Variants in RHOBTB1 observed in about 807,000 individuals in gnomAD.
The protein encoded by RHOBTB1 is Rho related BTB domain containing 1, also known as rho-related BTB domain-containing protein 1.
RHOBTB1 carries 40 observed loss-of-function variants against 71.6 expected under a neutral mutation model. That is an observed-to-expected ratio of 0.56 (90% confidence interval 0.43 to 0.73). RHOBTB1 has a LOEUF of 0.73. Among genes scored for constraint, RHOBTB1 ranks in the 30% least tolerant of loss-of-function variants. RHOBTB1 has a pLI of 0.00. For synonymous variants in RHOBTB1, 319 were observed against 334.9 expected, an observed-to-expected ratio of 0.95 and a Z score of 0.52; for missense variants, 797 against 894.0, an observed-to-expected ratio of 0.89 and a Z score of 1.38.
intron 1 of RHOBTB1, among the ~76,000 whole-genome samples, chr10:60,992,261 G>T (rs746180697): frequency 2.6e-5 from 4 of 152,054 alleles, no homozygotes; most frequent in Non-Finnish European, 4.4e-5. Context: ...GAATAATAGG[G>T]GTTTTTGAAT....
In RHOBTB1 at chr10:60,870,306, G is replaced by C. The variant is rs1390755409; in HGVS notation, c.*1176C>G. 1.3e-5 allele frequency: 2 copies of C among 152,672 alleles called. No individual in the cohort carries two copies. The highest frequency in any genetic ancestry group is 4.8e-5 in the African/African-American group (2 of 41,448). 9.5% of individuals were successfully genotyped at this position (152,672 alleles called of 1,614,324 possible). A position where few individuals can be genotyped will look rare whatever the true frequency, so the allele number is the denominator to read the frequency against. ...ACCATTTCCTAGACTCTTGGAATTA[G>C]ATTCCTTTCCGTGTAGGAGAACGCA... On this transcript the variant is annotated 3_prime_UTR_variant, in exon 11 of 11. Coordinates refer to ENST00000337910, the MANE Select transcript of RHOBTB1 (RefSeq NM_014836.5).
chr10:60,946,378 G>A (rs557532871), upstream of RHOBTB1, among the ~76,000 whole-genome samples: 15 of 152,262 alleles, frequency 9.9e-5, no homozygotes, highest in African/African-American at 3.6e-4. Flanking sequence ...AAATAGGGTA[G>A]AAACTCAAAA....
At chr10:60,896,243 A>T (rs1167078181) in intron 4 of RHOBTB1, among the ~76,000 whole-genome samples, 1 of 152,244 alleles carries the variant, frequency 6.6e-6, no homozygotes, top group East Asian at 1.9e-4. Flanking sequence ...TCTGAAAGAT[A>T]AAAAGAAACA....
At chr10:60,922,109 T>G (rs1249358256) in intron 2 of RHOBTB1, among the ~76,000 whole-genome samples, 2 of 152,226 alleles carry the variant, frequency 1.3e-5, no homozygotes, top group Non-Finnish European at 2.9e-5. Flanking sequence ...TATAAGGGTC[T>G]CATAAAGTTC....
intron 2 of RHOBTB1, among the ~76,000 whole-genome samples, chr10:60,962,778 G>A (rs1438130899): frequency 1.3e-5 from 2 of 152,028 alleles, no homozygotes; most frequent in African/African-American, 4.8e-5. Flanking sequence ...CTGATTTCTG[G>A]TCCCATCGTA....
chr10:60,966,600 C>T (rs1380711068), intron 2 of RHOBTB1, among the ~76,000 whole-genome samples: 1 of 151,544 alleles, frequency 6.6e-6, no homozygotes, highest in African/African-American at 2.4e-5. Flanking sequence ...CTCTGCTTTA[C>T]ATAATCTTTA....
intron 4 of RHOBTB1, among the ~76,000 whole-genome samples, chr10:60,900,135 A>G (rs1254746194): frequency 6.6e-6 from 1 of 152,098 alleles, no homozygotes; most frequent in Admixed American, 6.6e-5. Context: ...GTAGTGATAT[A>G]ATTTATGTTT....
intron 4 of RHOBTB1, among the ~76,000 whole-genome samples, chr10:60,897,390 A>C (rs1475092836): frequency 2.0e-5 from 3 of 152,242 alleles, no homozygotes; most frequent in Non-Finnish European, 2.9e-5. Flanking sequence ...CCTGTCACAA[A>C]AGTACTGTCT....
intron 2 of RHOBTB1, among the ~76,000 whole-genome samples, chr10:60,921,286 A>G (rs1434824525): frequency 6.6e-6 from 1 of 152,150 alleles, no homozygotes; most frequent in African/African-American, 2.4e-5. Context: ...TATCACTGAG[A>G]CTGCTGTATG....
chr10:60,995,051 G>A (rs1201241633), intron 1 of RHOBTB1, among the ~76,000 whole-genome samples: 1 of 151,990 alleles, frequency 6.6e-6, no homozygotes, highest in Non-Finnish European at 1.5e-5. Flanking sequence ...AACCCTGGCT[G>A]CGTACATCAA....
downstream of RHOBTB1, among the ~76,000 whole-genome samples, chr10:60,869,171 A>G (rs2080666861): frequency 1.3e-5 from 2 of 152,202 alleles, no homozygotes; most frequent in Non-Finnish European, 2.9e-5. Flanking sequence ...TTCTCCCCCA[A>G]CCCGCTCTCT....
At chr10:60,891,551 T>C (rs2081920749) in intron 5 of RHOBTB1, among the ~76,000 whole-genome samples, 1 of 151,854 alleles carries the variant, frequency 6.6e-6, no homozygotes, top group Non-Finnish European at 1.5e-5. Context: ...TCTCACTATG[T>C]TGCCCAGGCT....
chr10:60,898,547 G>A (rs540343947), intron 4 of RHOBTB1, among the ~76,000 whole-genome samples: 4 of 152,222 alleles, frequency 2.6e-5, no homozygotes, highest in South Asian at 2.1e-4. Context: ...ATGAATGGCC[G>A]TGTAAGCTCA....
Position 60,871,590 on chromosome 10 carries a change from AT to A in RHOBTB1, c.1982del (p.Asp661ValfsTer6). On this transcript the variant is annotated frameshift_variant, in exon 11 of 11. Transcript: ENST00000337910. LOFTEE classifies it high-confidence loss of function. ...WPPVWYLKEE[D>X]HYQRVKRERE... is the part of the protein sequence containing the mutation. ...GTTCCCTTTTCACACGCTGGTAGTG[AT>A]CTTCTTCCTTCAGGTACCACACAGG... is the stretch of plus-strand genomic sequence containing the variant. 1.2e-6 allele frequency: 2 copies of A among 1,614,040 alleles called. No homozygotes were observed. The highest frequency in any genetic ancestry group is 1.7e-6 in the Non-Finnish European group (2 of 1,179,984).
At chr10:60,879,956 T>G (rs2081241256) in intron 7 of RHOBTB1, among the ~76,000 whole-genome samples, 1 of 152,176 alleles carries the variant, frequency 6.6e-6, no homozygotes, top group South Asian at 2.1e-4. Flanking sequence ...ACTTTTTTCT[T>G]GTCATTATTC....
chr10:60,957,747 A>C (rs1184966762), intron 2 of RHOBTB1, among the ~76,000 whole-genome samples: 1 of 152,192 alleles, frequency 6.6e-6, no homozygotes, highest in Admixed American at 6.5e-5. Flanking sequence ...TAACTTGTCC[A>C]ATGGTAATGA....
chr10:61,000,347 G>A (rs1432760622), intron 1 of RHOBTB1, among the ~76,000 whole-genome samples: 2 of 152,064 alleles, frequency 1.3e-5, no homozygotes, highest in African/African-American at 4.8e-5. Context: ...TGAAACACTA[G>A]TAATAAAAAA....
At chr10:60,917,907 A>G (rs1016594400) in intron 2 of RHOBTB1, among the ~76,000 whole-genome samples, 7 of 152,152 alleles carry the variant, frequency 4.6e-5, no homozygotes, top group Admixed American at 3.3e-4. Context: ...CACCTCATAA[A>G]CTAATTTACT....
downstream of RHOBTB1, among the ~76,000 whole-genome samples, chr10:60,865,675 A>T (rs1299949764): frequency 6.6e-6 from 1 of 152,216 alleles, no homozygotes; most frequent in Non-Finnish European, 1.5e-5. Context: ...CAGAGGAACC[A>T]GTCTCCAGGC....
Sources: gnomAD v4.1 joint callset for allele counts (sites outside exome capture counted in the v4.1 genomes callset) on GRCh38, gnomAD v4.1.1 for gene constraint, MANE v1.5 for transcripts, NCBI Gene and HGNC (gene_info 2026-07-23, HGNC 2026-07-21) for gene names.